The following DDX4 variants were observed in gnomAD, a reference collection of about 807,000 sequenced individuals.
The protein encoded by DDX4 is DEAD-box helicase 4.
A neutral mutation model predicts 100.0 loss-of-function variants in DDX4; 25 were observed. The ratio of observed to expected loss-of-function variants is 0.25; its 90% CI spans 0.18 to 0.35. DDX4 has a LOEUF of 0.35. DDX4 is among the 10% of genes least tolerant of loss of function. DDX4 has a pLI of 1.00. For synonymous variants in DDX4, 259 were observed against 275.7 expected (o/e 0.94, Z 0.60); for missense variants, 635 against 882.4 (o/e 0.72, Z 3.55).
chr5:55,774,128 A>AT (rs928698958), intron 7 of DDX4, among the ~76,000 whole-genome samples: 60 of 148,884 alleles, frequency 4.0e-4, no homozygotes, highest in African/African-American at 1.4e-3. Flanking sequence ...GCAAATGTTT[A>AT]TTTTTTTTTA....
intron 6 of DDX4, among the ~76,000 whole-genome samples, chr5:55,765,921 C>T (rs1446239813): frequency 6.6e-6 from 1 of 151,968 alleles, no homozygotes; most frequent in Non-Finnish European, 1.5e-5. Context: ...TCTCCTGCCT[C>T]AGCCTCCTGA....
intron 3 of DDX4, among the ~76,000 whole-genome samples, chr5:55,752,113 A>C (rs1348041355): frequency 6.6e-6 from 1 of 152,156 alleles, no homozygotes; most frequent in Admixed American, 6.5e-5. Flanking sequence ...GAACTGTGGT[A>C]AACTAGACAT....
intron 3 of DDX4, 74 bp from the exon 4 acceptor site, chr5:55,760,126 A>G: frequency 6.7e-7 from 1 of 1,487,476 alleles, no homozygotes; most frequent in African/African-American, 1.5e-5. Flanking sequence ...CACATGTGGC[A>G]CAGAAGGCTT....
intron 19 of DDX4, among the ~76,000 whole-genome samples, chr5:55,814,100 A>C (rs1008849802): frequency 2.0e-5 from 3 of 152,194 alleles, no homozygotes; most frequent in African/African-American, 7.2e-5. Context: ...TCCTTTGCTA[A>C]ATCTAATCTT....
intron 21 of DDX4, among the ~76,000 whole-genome samples, chr5:55,816,160 A>G (rs187541360): frequency 7.9e-5 from 12 of 152,264 alleles, no homozygotes; most frequent in Admixed American, 5.9e-4. Context: ...AACAATGAGC[A>G]TGTTAATTAA....
intron 6 of DDX4, among the ~76,000 whole-genome samples, chr5:55,765,413 A>ATATATATATAT (rs1554076987): frequency 1.4e-4 from 12 of 83,006 alleles, no homozygotes; most frequent in African/African-American, 6.4e-4. Context: ...AAAAAAAAAA[A>ATATATATATAT]ATATATATAT....
At chr5:55,784,294 C>T (rs1407998337) in intron 10 of DDX4, among the ~76,000 whole-genome samples, 1 of 151,952 alleles carries the variant, frequency 6.6e-6, no homozygotes. Flanking sequence ...GAAGGGTGTC[C>T]CAGCTCCAGA....
At chr5:55,783,956 A>G (rs776226628) in intron 10 of DDX4, among the ~76,000 whole-genome samples, 8 of 151,868 alleles carry the variant, frequency 5.3e-5, no homozygotes, top group Middle Eastern at 3.2e-3. Context: ...CATCATTTAC[A>G]TTAGGTATTT....
At chr5:55,765,773 T>C (rs1740878606) in intron 6 of DDX4, among the ~76,000 whole-genome samples, 1 of 152,100 alleles carries the variant, frequency 6.6e-6, no homozygotes, top group African/African-American at 2.4e-5. Context: ...ATGTGATACA[T>C]TTAGAACACG....
At chr5:55,755,570 A>T (rs1292930300) in intron 3 of DDX4, among the ~76,000 whole-genome samples, 1 of 152,140 alleles carries the variant, frequency 6.6e-6, no homozygotes, top group African/African-American at 2.4e-5. Flanking sequence ...ATTGGCGTAT[A>T]GTTTTCTTCT....
Position 55,794,856 on chromosome 5 carries a change from G to A in DDX4, c.1469+2049G>A, listed in dbSNP as rs138873644. 8.8e-3 allele frequency among the ~76,000 whole-genome samples: 1,332 copies of A among 151,988 alleles called. 16 individuals carry two copies. The highest frequency in any genetic ancestry group is 0.014 in the Admixed American group (207 of 15,270). ...CTGTGCGAAGTCCTTTTCTCAATGT[G>A]CATATTCCCTGAGTTATGATATATC... On this transcript the variant is annotated intron_variant, in intron 17 of 21. Coordinates refer to ENST00000505374, the MANE Select transcript of DDX4 (RefSeq NM_024415.3).
chr5:55,806,110 G>A (rs57300242), intron 18 of DDX4, among the ~76,000 whole-genome samples: 2,762 of 152,212 alleles, frequency 0.018, 83 homozygotes, highest in African/African-American at 0.062. Flanking sequence ...GTTTATTTGC[G>A]TAGAGGTGTT....
At chr5:55,753,954 C>G (rs370956298) in intron 3 of DDX4, among the ~76,000 whole-genome samples, 8,380 of 86,640 alleles carry the variant, frequency 0.097, 690 homozygotes, top group East Asian at 0.26. Context: ...GGAGTTCACT[C>G]ATGATTTGGC....
intron 2 of DDX4, among the ~76,000 whole-genome samples, chr5:55,742,409 G>A (rs1245275344): frequency 2.0e-5 from 3 of 151,996 alleles, no homozygotes; most frequent in African/African-American, 7.3e-5. Context: ...TGGTTAAAGT[G>A]GAAACAGTAA....
chr5:55,800,037 TTGG>T (rs1743199805), intron 18 of DDX4, among the ~76,000 whole-genome samples: 1 of 152,220 alleles, frequency 6.6e-6, no homozygotes, highest in Admixed American at 6.5e-5. Context: ...AGAAATTTTA[TTGG>T]TTGGCTTCAT....
intron 11 of DDX4, 23 bp from the exon 12 acceptor site, chr5:55,785,424 T>C: frequency 6.2e-7 from 1 of 1,602,866 alleles, no homozygotes; most frequent in South Asian, 1.1e-5. Context: ...CATGTATCTC[T>C]TTTTTATTTG....
At chr5:55,742,228 GGTGA>G (rs1417369955) in intron 2 of DDX4, 2 of 456,134 alleles carry the variant, frequency 4.4e-6, no homozygotes, top group Non-Finnish European at 8.8e-6. Flanking sequence ...GGCTTATTGG[GGTGA>G]GTGTTAGAAT....
intron 7 of DDX4, among the ~76,000 whole-genome samples, chr5:55,779,355 A>T (rs546050705): frequency 6.6e-6 from 1 of 152,318 alleles, no homozygotes; most frequent in Admixed American, 6.5e-5. Flanking sequence ...TTAAGTATAA[A>T]TAGTTGCAAG....
intron 17 of DDX4, among the ~76,000 whole-genome samples, chr5:55,795,214 C>T (rs1479261355): frequency 6.6e-6 from 1 of 152,178 alleles, no homozygotes; most frequent in Non-Finnish European, 1.5e-5. Context: ...ATCCGTCCGC[C>T]TCAGCCTCCC....
Sources: allele counts gnomAD v4.1 joint callset (sites outside exome capture counted in the v4.1 genomes callset), GRCh38; gene constraint gnomAD v4.1.1; transcripts MANE v1.5; gene names NCBI Gene and HGNC (gene_info 2026-07-23, HGNC 2026-07-21).